The following SDK1 variants were observed in gnomAD, a reference collection of about 807,000 sequenced individuals.
The protein encoded by SDK1 is sidekick cell adhesion molecule 1.
SDK1 carries 157 observed loss-of-function variants against 245.5 expected under a neutral mutation model. The ratio of observed to expected loss-of-function variants is 0.64; its 90% CI spans 0.56 to 0.73. SDK1 has a LOEUF of 0.73. Among genes scored for constraint, SDK1 ranks in the 30% least tolerant of loss-of-function variants. The pLI is 0.00. For missense variants in SDK1, 3,583 were observed against 3,002.3 expected, an observed-to-expected ratio of 1.19 and a Z score of -4.52; for synonymous variants, 1,647 against 1,278.5, an observed-to-expected ratio of 1.29 and a Z score of -6.15.
chr7:3,980,181 C>T lies in SDK1; in HGVS notation c.1994+5636C>T, dbSNP rs1199609483. 2.0e-5 allele frequency among the ~76,000 whole-genome samples: 3 copies of T among 152,336 alleles called. 1 individual carries two copies. The South Asian group carries it at 6.2e-4, about 32-fold the overall frequency. ...AAAGTACTTATCTGATCCTCTTCTG[C>T]CAGAGCAATTCCCCCTACAGCCACA... On this transcript the variant is annotated intron_variant, in intron 13 of 44. Transcript: ENST00000404826.
chr7:3,818,275 T>C (rs1779558245), intron 4 of SDK1, among the ~76,000 whole-genome samples: 1 of 152,176 alleles, frequency 6.6e-6, no homozygotes, highest in Non-Finnish European at 1.5e-5. Flanking sequence ...TCAGTGTAAG[T>C]TTTAAATGTG....
intron 13 of SDK1, among the ~76,000 whole-genome samples, chr7:3,983,242 A>G (rs1406995148): frequency 6.6e-6 from 1 of 152,234 alleles, no homozygotes; most frequent in African/African-American, 2.4e-5. Context: ...TTTTGAAAGA[A>G]GTTCTACTGT....
intron 17 of SDK1, among the ~76,000 whole-genome samples, chr7:4,035,546 C>A (rs6462542): frequency 6.6e-6 from 1 of 151,686 alleles, no homozygotes; most frequent in Admixed American, 6.6e-5. Context: ...AAGACAGTTG[C>A]ATGAGTATTG....
At chr7:4,055,562 T>G (rs2880373) in intron 19 of SDK1, among the ~76,000 whole-genome samples, 19 of 81,758 alleles carry the variant, frequency 2.3e-4, no homozygotes, top group South Asian at 1.5e-3. Context: ...TGTTTTTGTT[T>G]TTTGTTTTTT....
intron 1 of SDK1, among the ~76,000 whole-genome samples, chr7:3,302,618 TC>T: frequency 8.6e-6 from 1 of 115,952 alleles, no homozygotes; most frequent in South Asian, 2.9e-4. Flanking sequence ...CTCCACCCCC[TC>T]CCCGCCCCCG....
intron 1 of SDK1, among the ~76,000 whole-genome samples, chr7:3,571,026 T>C (rs1780098008): frequency 6.6e-6 from 1 of 152,058 alleles, no homozygotes; most frequent in Admixed American, 6.6e-5. Context: ...TAATACTTTG[T>C]TTTCCCAAAA....
chr7:3,952,703 A>G (rs555431525), intron 7 of SDK1, among the ~76,000 whole-genome samples: 21 of 152,260 alleles, frequency 1.4e-4, no homozygotes, highest in African/African-American at 4.6e-4. Flanking sequence ...TAAAAAAAAA[A>G]AGAGAACAGA....
At chr7:3,488,828 G>A (rs912995649) in intron 1 of SDK1, among the ~76,000 whole-genome samples, 3 of 152,024 alleles carry the variant, frequency 2.0e-5, no homozygotes, top group African/African-American at 4.8e-5. Context: ...TGTCCTCAGG[G>A]TCTCAGGATG....
chr7:3,406,047 A>G (rs1779046478), intron 1 of SDK1, among the ~76,000 whole-genome samples: 1 of 152,088 alleles, frequency 6.6e-6, no homozygotes, highest in Non-Finnish European at 1.5e-5. Flanking sequence ...TCCTGACCTC[A>G]AGTGATCCAC....
At chr7:4,090,847 AC>A (rs1305688571) in intron 22 of SDK1, among the ~76,000 whole-genome samples, 1 of 152,160 alleles carries the variant, frequency 6.6e-6, no homozygotes, top group Non-Finnish European at 1.5e-5. Flanking sequence ...GCATTATTTC[AC>A]ACTATCACCT....
At chr7:4,164,577 A>T (rs933010478) in intron 32 of SDK1, among the ~76,000 whole-genome samples, 3 of 152,108 alleles carry the variant, frequency 2.0e-5, no homozygotes, top group African/African-American at 7.2e-5. Flanking sequence ...GAAAATTCAC[A>T]TTTTCTTTGT....
chr7:3,739,341 T>C (rs1779411453), intron 4 of SDK1, among the ~76,000 whole-genome samples: 1 of 152,238 alleles, frequency 6.6e-6, no homozygotes, highest in Non-Finnish European at 1.5e-5. Context: ...ATATTAAATT[T>C]GGTAAGTTTA....
chr7:3,697,595 C>G (rs1463961227), intron 4 of SDK1, among the ~76,000 whole-genome samples: 1 of 152,152 alleles, frequency 6.6e-6, no homozygotes, highest in Non-Finnish European at 1.5e-5. Flanking sequence ...CCACATGATT[C>G]TTTGACCATC....
At chr7:4,007,483 C>T (rs995445184) in intron 14 of SDK1, among the ~76,000 whole-genome samples, 2 of 152,192 alleles carry the variant, frequency 1.3e-5, no homozygotes, top group African/African-American at 4.8e-5. Flanking sequence ...GAGCTTGGAT[C>T]TAGGGAGAGC....
intron 5 of SDK1, among the ~76,000 whole-genome samples, chr7:3,897,220 C>T (rs144271931): frequency 1.3e-5 from 2 of 152,202 alleles, no homozygotes; most frequent in African/African-American, 4.8e-5. Flanking sequence ...AATTTAGCAT[C>T]TTCTCCATTT....
chr7:4,247,574 T>G (rs1411676942), intron 44 of SDK1, among the ~76,000 whole-genome samples: 2 of 152,238 alleles, frequency 1.3e-5, no homozygotes, highest in Non-Finnish European at 2.9e-5. Flanking sequence ...GAGGCTCATC[T>G]CACAGCGCCG....
chr7:4,176,193 C>T (rs1782199136), intron 34 of SDK1, among the ~76,000 whole-genome samples: 1 of 149,560 alleles, frequency 6.7e-6, no homozygotes, highest in Non-Finnish European at 1.5e-5. Context: ...GACAGAGTCT[C>T]ACTCTGTTGC....
At chr7:4,094,926 G>A (rs981793086) in intron 22 of SDK1, among the ~76,000 whole-genome samples, 7 of 152,198 alleles carry the variant, frequency 4.6e-5, no homozygotes, top group African/African-American at 1.4e-4. Context: ...GAACCCACAG[G>A]TTATAGGTAA....
At chr7:4,233,670 C>T (rs1334757557) in intron 41 of SDK1, among the ~76,000 whole-genome samples, 1 of 152,178 alleles carries the variant, frequency 6.6e-6, no homozygotes, top group South Asian at 2.1e-4. Context: ...AAGGGACACA[C>T]ATCTGCTGCT....
Sources: gnomAD v4.1 joint callset for allele counts (sites outside exome capture counted in the v4.1 genomes callset) on GRCh38, gnomAD v4.1.1 for gene constraint, MANE v1.5 for transcripts, NCBI Gene and HGNC (gene_info 2026-07-23, HGNC 2026-07-21) for gene names.